Variants in NEDD4L observed in about 807,000 individuals in gnomAD.
The protein encoded by NEDD4L is E3 ubiquitin-protein ligase NEDD4-like.
Under a neutral mutation model 148.9 loss-of-function variants are expected in NEDD4L, and 54 were observed. That is an observed-to-expected ratio of 0.36 (90% CI 0.29 to 0.45). NEDD4L has a LOEUF of 0.45. Ranked by LOEUF, NEDD4L falls within the 20% of genes least tolerant of loss-of-function variation. NEDD4L has a pLI of 1.00. For missense variants in NEDD4L, 856 were observed against 1,233.8 expected, an observed-to-expected ratio of 0.69 and a Z score of 4.59; for synonymous variants, 433 against 440.7, an observed-to-expected ratio of 0.98 and a Z score of 0.22.
At chr18:58,314,331 C>T (rs1267834381) in intron 5 of NEDD4L, among the ~76,000 whole-genome samples, 3 of 151,362 alleles carry the variant, frequency 2.0e-5, no homozygotes, top group East Asian at 1.9e-4. Context: ...GCAGGAGAAT[C>T]GCTTTAACCC....
At chr18:58,161,818 G>T (rs2036252202) in intron 1 of NEDD4L, among the ~76,000 whole-genome samples, 1 of 152,050 alleles carries the variant, frequency 6.6e-6, no homozygotes, top group Non-Finnish European at 1.5e-5. Flanking sequence ...GAGAATGAAG[G>T]CTGCTGAGTG....
At chr18:58,292,196 G>A (rs2054854356) in intron 5 of NEDD4L, among the ~76,000 whole-genome samples, 1 of 149,310 alleles carries the variant, frequency 6.7e-6, no homozygotes, top group African/African-American at 2.5e-5. Context: ...TAAACCGCAA[G>A]TTCCCACGCA....
chr18:58,318,945 C>A (rs925133612), intron 6 of NEDD4L, among the ~76,000 whole-genome samples: 2 of 152,184 alleles, frequency 1.3e-5, no homozygotes, highest in Non-Finnish European at 2.9e-5. Flanking sequence ...TTAAGACAAC[C>A]ATGGCTGACT....
At chr18:58,389,410 C>G (rs2049491200) in intron 28 of NEDD4L, 4 of 452,412 alleles carry the variant, frequency 8.8e-6, no homozygotes, top group Non-Finnish European at 1.2e-5. Context: ...TGAAGTTGGT[C>G]CCTACAAAAG....
chr18:58,084,468 G>A (rs1599154560), intron 1 of NEDD4L, among the ~76,000 whole-genome samples: 1 of 152,290 alleles, frequency 6.6e-6, no homozygotes, highest in East Asian at 1.9e-4. Context: ...AAAGATGGGG[G>A]TGGTGGTGTG....
At chr18:58,174,306 C>A (rs2037851701) in intron 2 of NEDD4L, among the ~76,000 whole-genome samples, 1 of 152,006 alleles carries the variant, frequency 6.6e-6, no homozygotes, top group Non-Finnish European at 1.5e-5. Context: ...CATTAAAAGG[C>A]ATTGTTCAGA....
At chr18:58,120,045 T>A (rs1598919115) in intron 1 of NEDD4L, among the ~76,000 whole-genome samples, 2 of 152,214 alleles carry the variant, frequency 1.3e-5, no homozygotes, top group Non-Finnish European at 2.9e-5. Flanking sequence ...TGCCTGTTGA[T>A]CCTTTAAGGA....
chr18:58,097,629 A>G (rs2084498708), intron 1 of NEDD4L, among the ~76,000 whole-genome samples: 2 of 152,170 alleles, frequency 1.3e-5, no homozygotes, highest in Non-Finnish European at 1.5e-5. Context: ...ATAGACACAC[A>G]CTGTAATCAG....
chr18:58,107,603 C>A (rs954404890), intron 1 of NEDD4L, among the ~76,000 whole-genome samples: 1 of 152,058 alleles, frequency 6.6e-6, no homozygotes, highest in Non-Finnish European at 1.5e-5. Flanking sequence ...CCTGTAGGCC[C>A]AGCTCCTCTG....
chr18:58,333,929 T>C, intron 12 of NEDD4L, 37 bp downstream of exon 12: 1 of 1,481,100 alleles, frequency 6.8e-7, no homozygotes. Context: ...AGTTGACTTT[T>C]TGGGCTTTCA....
chr18:58,309,480 C>T (rs2057427305), intron 5 of NEDD4L, among the ~76,000 whole-genome samples: 1 of 152,198 alleles, frequency 6.6e-6, no homozygotes, highest in African/African-American at 2.4e-5. Flanking sequence ...GACCCTGTGG[C>T]TGCTGAGCAC....
intron 2 of NEDD4L, among the ~76,000 whole-genome samples, chr18:58,236,744 C>G (rs577436466): frequency 6.6e-6 from 1 of 152,338 alleles, no homozygotes; most frequent in South Asian, 2.1e-4. Flanking sequence ...TTGTCATTGG[C>G]TGGGCGCTGC....
chr18:58,117,033 G>A (rs2085891415), intron 1 of NEDD4L, among the ~76,000 whole-genome samples: 1 of 152,222 alleles, frequency 6.6e-6, no homozygotes, highest in Non-Finnish European at 1.5e-5. Flanking sequence ...TAAGAAAGCG[G>A]CAGCTCTTAA....
At chr18:58,367,953 C>A in intron 22 of NEDD4L, 86 bp downstream of exon 22, 1 of 1,398,632 alleles carries the variant, frequency 7.1e-7, no homozygotes. Flanking sequence ...GGTTTTTAAG[C>A]AAAAGCTTCA....
intron 13 of NEDD4L, among the ~76,000 whole-genome samples, chr18:58,338,703 G>C (rs2042070690): frequency 6.6e-6 from 1 of 152,168 alleles, no homozygotes. Flanking sequence ...ATCAATTGAA[G>C]TCAGCAGTTC....
intron 2 of NEDD4L, among the ~76,000 whole-genome samples, chr18:58,242,446 C>T (rs1403142264): frequency 1.3e-5 from 2 of 152,082 alleles, no homozygotes; most frequent in South Asian, 2.1e-4. Context: ...GGAGGAGGAG[C>T]CTGAGAGCAA....
chr18:58,113,659 G>A (rs1376137920), intron 1 of NEDD4L, among the ~76,000 whole-genome samples: 1 of 152,148 alleles, frequency 6.6e-6, no homozygotes, highest in Non-Finnish European at 1.5e-5. Context: ...AGGCCAAAGT[G>A]GGACGGCCTT....
intron 13 of NEDD4L, among the ~76,000 whole-genome samples, chr18:58,338,924 A>G (rs1174974787): frequency 6.6e-6 from 1 of 152,166 alleles, no homozygotes; most frequent in Non-Finnish European, 1.5e-5. Flanking sequence ...TCAAAAAGGA[A>G]AAAACAAAGT....
At position 58,173,866 on chromosome 18, in the gene NEDD4L, C is replaced by T. The variant is rs547628359; in HGVS notation, c.122+8005C>T. Among the ~76,000 whole-genome samples the T allele has an allele frequency of 7.9e-5, 12 of 152,288 alleles. No homozygotes were observed. In the South Asian group the frequency reaches 1.9e-3, roughly 24 times the overall value. On this transcript the variant is annotated intron_variant, in intron 2 of 30. Transcript: ENST00000400345. ...CCTTTTACAGCTGGACTGTTTAAAC[C>T]AGGATTCAATTGAGAATTCTGTATT... is the stretch of plus-strand genomic sequence containing the variant.
Sources: allele counts gnomAD v4.1 joint callset (sites outside exome capture counted in the v4.1 genomes callset), GRCh38; gene constraint gnomAD v4.1.1; transcripts MANE v1.5; gene names NCBI Gene and HGNC (gene_info 2026-07-23, HGNC 2026-07-21).